PRKCI: variants seen among roughly 807,000 people sequenced by gnomAD.
The protein encoded by PRKCI is protein kinase C iota type.
A neutral mutation model predicts 84.0 loss-of-function variants in PRKCI; 43 were observed. The ratio of observed to expected loss-of-function variants is 0.51; its 90% CI spans 0.40 to 0.66. PRKCI has a LOEUF of 0.66. Ranked by LOEUF, PRKCI falls within the 30% of genes least tolerant of loss-of-function variation. The pLI is 0.00. For missense variants in PRKCI, 459 were observed against 745.6 expected, an observed-to-expected ratio of 0.62 and a Z score of 4.48; for synonymous variants, 216 against 234.4, an observed-to-expected ratio of 0.92 and a Z score of 0.72.
chr3:170,248,222 C>T (rs1015908031), intron 2 of PRKCI, among the ~76,000 whole-genome samples: 13 of 152,280 alleles, frequency 8.5e-5, no homozygotes, highest in Middle Eastern at 3.4e-3. Context: ...ATATATGTTT[C>T]ATGTTCTACA....
At chr3:170,238,622 C>T (rs1169381498) in intron 2 of PRKCI, among the ~76,000 whole-genome samples, 2 of 143,600 alleles carry the variant, frequency 1.4e-5, no homozygotes, top group Non-Finnish European at 3.0e-5. Flanking sequence ...GAGACAGTCT[C>T]ACTCTGTTGC....
In PRKCI at chr3:170,305,775, A is replaced by G. The variant is rs944919035; in HGVS notation, c.*2648A>G. ...TTCTAAGAAAAACTTTATTTTGCAT[A>G]AGCATGTGGTCAGATCATTTTGTGC... On this transcript the variant is annotated 3_prime_UTR_variant, in exon 18 of 18. Coordinates refer to ENST00000295797, the MANE Select transcript of PRKCI (RefSeq NM_002740.6). 6.6e-6 allele frequency: 1 copy of G among 152,238 alleles called. No individual in the cohort carries two copies. The highest frequency in any genetic ancestry group is 2.4e-5 in the African/African-American group (1 of 41,476). The allele number at this position is 152,238 out of a possible 1,614,324, so 9.4% of individuals were successfully genotyped here.
intron 12 of PRKCI, among the ~76,000 whole-genome samples, chr3:170,288,326 T>C (rs976138627): frequency 3.9e-5 from 6 of 152,216 alleles, no homozygotes; most frequent in Non-Finnish European, 5.9e-5. Context: ...TGGCTTCTTA[T>C]ACATTTTCAT....
At position 170,237,769 on chromosome 3, in the gene PRKCI, A is replaced by G. The variant is rs547737984; in HGVS notation, c.223+2418A>G. On this transcript the variant is annotated intron_variant, in intron 2 of 17. Transcript: ENST00000295797. ...TAAAACAGTGTTCCTGAAGTAATTC[A>G]TGTTCACTGTTCAGGAAAAAAAGTA... Among the ~76,000 whole-genome samples, 8 of 152,318 alleles carry G rather than the reference A, an allele frequency of 5.3e-5. No homozygotes were observed. The South Asian group carries it at 1.2e-3, about 24-fold the overall frequency.
chr3:170,260,377 T>C (rs1733692547), intron 3 of PRKCI, among the ~76,000 whole-genome samples: 1 of 152,212 alleles, frequency 6.6e-6, no homozygotes, highest in Non-Finnish European at 1.5e-5. Context: ...ACTTGAAATT[T>C]TGTTATGTAT....
rs1002727561 is a variant in PRKCI at position 170,269,697 on chromosome 3, G to A, written c.451-724G>A. On this transcript the variant is annotated intron_variant, in intron 5 of 17. Coordinates refer to ENST00000295797, the MANE Select transcript of PRKCI (RefSeq NM_002740.6). ...AGAGACCAAGTGCGGTGGCTCACAC[G>A]TGTAATCCCAGCACTTTGGGAGGCT... is the stretch of plus-strand genomic sequence containing the variant. 5.3e-5 allele frequency among the ~76,000 whole-genome samples: 8 copies of A among 151,942 alleles called. No individual in the cohort carries two copies. In the East Asian group the frequency reaches 1.2e-3, roughly 22 times the overall value.
chr3:170,238,464 CT>C (rs34392317), intron 2 of PRKCI, among the ~76,000 whole-genome samples: 46,931 of 143,918 alleles, frequency 0.33, 8,021 homozygotes, highest in Middle Eastern at 0.48. Context: ...CATCATTACT[CT>C]TTTTTTTTTT....
chr3:170,277,228 G>A (rs1423846716), intron 8 of PRKCI, among the ~76,000 whole-genome samples: 1 of 151,146 alleles, frequency 6.6e-6, no homozygotes, highest in Non-Finnish European at 1.5e-5. Flanking sequence ...CAGCCTGGGC[G>A]ACAGAGCAAG....
intron 7 of PRKCI, among the ~76,000 whole-genome samples, chr3:170,274,265 G>C (rs1485368525): frequency 6.6e-6 from 1 of 152,064 alleles, no homozygotes; most frequent in African/African-American, 2.4e-5. Flanking sequence ...CTGAGCATCT[G>C]GGATTACAGG....
intron 8 of PRKCI, among the ~76,000 whole-genome samples, chr3:170,278,604 T>C (rs1386296899): frequency 6.6e-6 from 1 of 152,242 alleles, no homozygotes; most frequent in Non-Finnish European, 1.5e-5. Flanking sequence ...TGCAGTGAGC[T>C]ATGTTCGTGC....
chr3:170,287,340 G>C (rs1273437), intron 12 of PRKCI, among the ~76,000 whole-genome samples: 5 of 148,470 alleles, frequency 3.4e-5, no homozygotes, highest in Admixed American at 6.7e-5. Flanking sequence ...TATATATATA[G>C]AGAGAGAGAG....
chr3:170,241,658 G>A (rs535591397), intron 2 of PRKCI, among the ~76,000 whole-genome samples: 1 of 151,826 alleles, frequency 6.6e-6, no homozygotes, highest in African/African-American at 2.4e-5. Flanking sequence ...TTTGAGAGAG[G>A]GAGAGAGAGA....
chr3:170,280,789 T>C (rs1734224184), intron 9 of PRKCI, among the ~76,000 whole-genome samples: 1 of 152,216 alleles, frequency 6.6e-6, no homozygotes, highest in Non-Finnish European at 1.5e-5. Context: ...GTTTGTGCTT[T>C]ATTATCTCAT....
At chr3:170,227,861 A>G (rs983894688) in intron 1 of PRKCI, among the ~76,000 whole-genome samples, 1 of 152,206 alleles carries the variant, frequency 6.6e-6, no homozygotes, top group Non-Finnish European at 1.5e-5. Context: ...GATGGATGAA[A>G]CTAATTTGGA....
intron 2 of PRKCI, among the ~76,000 whole-genome samples, chr3:170,238,764 G>A (rs1222747868): frequency 2.0e-5 from 3 of 151,994 alleles, no homozygotes; most frequent in East Asian, 1.9e-4. Context: ...CCTAATTTTT[G>A]TATTTTTAGT....
chr3:170,246,585 A>G (rs1211186293), intron 2 of PRKCI, among the ~76,000 whole-genome samples: 1 of 152,214 alleles, frequency 6.6e-6, no homozygotes, highest in African/African-American at 2.4e-5. Flanking sequence ...ATGAGCCACC[A>G]TGCCCAGCAG....
intron 4 of PRKCI, 136 bp downstream of exon 4, chr3:170,263,565 G>C: frequency 1.6e-6 from 1 of 642,252 alleles, no homozygotes; most frequent in Non-Finnish European, 2.6e-6. Flanking sequence ...ACTGTGGGAA[G>C]CTGAGGTGGG....
At chr3:170,255,293 C>G (rs991299032) in intron 2 of PRKCI, among the ~76,000 whole-genome samples, 19 of 152,092 alleles carry the variant, frequency 1.2e-4, no homozygotes, top group African/African-American at 3.1e-4. Context: ...CTCCTGACCT[C>G]AGGTGATCCT....
chr3:170,268,104 A>G (rs1733909830), intron 5 of PRKCI, 104 bp downstream of exon 5: 7 of 875,380 alleles, frequency 8.0e-6, no homozygotes, highest in Non-Finnish European at 1.2e-5. Flanking sequence ...TACACTTTTA[A>G]ATACATAAGT....
Sources: gnomAD v4.1 joint callset for allele counts (sites outside exome capture counted in the v4.1 genomes callset) on GRCh38, gnomAD v4.1.1 for gene constraint, MANE v1.5 for transcripts, NCBI Gene and HGNC (gene_info 2026-07-23, HGNC 2026-07-21) for gene names.